The following PCNT variants were observed in gnomAD, a reference collection of about 807,000 sequenced individuals.
PCNT encodes pericentrin, also known as kendrin.
Under a neutral mutation model 380.4 loss-of-function variants are expected in PCNT, and 319 were observed. The observed-to-expected ratio is 0.84, with a 90% CI of 0.77 to 0.92. The LOEUF is 0.92. PCNT is among the 40% of genes least tolerant of loss of function. The pLI, the probability that PCNT is intolerant of heterozygous loss-of-function variation, is 0.00. For synonymous variants in PCNT, 1,845 were observed against 1,735.2 expected (o/e 1.06, Z -1.57); for missense variants, 4,400 against 4,255.3 (o/e 1.03, Z -0.95).
intron 27 of PCNT, among the ~76,000 whole-genome samples, 168 bp downstream of exon 27, chr21:46,402,651 G>A (rs1387050966): frequency 6.6e-6 from 1 of 152,312 alleles, no homozygotes; most frequent in East Asian, 1.9e-4. Context: ...GGGGACATGT[G>A]CATGGAAGCA....
intron 13 of PCNT, among the ~76,000 whole-genome samples, chr21:46,358,808 T>A (rs1366197216): frequency 6.6e-6 from 1 of 151,184 alleles, no homozygotes; most frequent in Non-Finnish European, 1.5e-5. Context: ...TTATTTTTTT[T>A]TATTTTTTTT....
At chr21:46,426,434 C>G (rs555750025) in intron 33 of PCNT, among the ~76,000 whole-genome samples, 23 of 152,316 alleles carry the variant, frequency 1.5e-4, no homozygotes, top group African/African-American at 5.5e-4. Flanking sequence ...AGGTTCCCTG[C>G]GGGACGTGGA....
rs552753057 is a variant in PCNT at position 46,441,117 on chromosome 21, G to A, written c.9623+33G>A. On this transcript the variant is annotated intron_variant, in intron 43 of 46. Transcript: ENST00000359568. Reference sequence around the variant, plus strand: ...CCATGACGTTCAGTCAGTGCGTTCCGCGTCTGTCTCCGTGAGTGGGCAGCA... The same window carrying A: ...CCATGACGTTCAGTCAGTGCGTTCCACGTCTGTCTCCGTGAGTGGGCAGCA... 1.3e-4 allele frequency: 172 copies of A among 1,360,004 alleles called. 1 individual carries two copies. The South Asian group carries it at 1.5e-3, about 12-fold the overall frequency. The allele number at this position is 1,360,004 out of a possible 1,614,324, so 84.2% of individuals were successfully genotyped here. A position where few individuals can be genotyped will look rare whatever the true frequency, so the allele number is the denominator to read the frequency against.
chr21:46,427,472 C>T, intron 33 of PCNT, 150 bp from the exon 34 acceptor site: 1 of 814,002 alleles, frequency 1.2e-6, no homozygotes, highest in Admixed American at 2.1e-5. Context: ...CGAGTGAGCT[C>T]TGGTGTCTCT....
rs760423461 is a variant in PCNT at position 46,427,796 on chromosome 21, G to A, written c.7494+1G>A. ...GCTGGAGAAGATCATCCGTGAGCAG[G>A]TGAGTGTCAGCTCTGCCACCAGGCC... On this transcript the variant is annotated splice_donor_variant, in intron 34 of 46. Transcript: ENST00000359568. LOFTEE classifies it high-confidence loss of function. The A allele has an allele frequency of 2.5e-6, 4 of 1,613,176 alleles. No individual in the cohort carries two copies. The Admixed American group carries it at 6.7e-5, about 27-fold the overall frequency.
chr21:46,388,614 C>G lies in PCNT; in HGVS notation c.3465-128C>G. The G allele has an allele frequency of 8.5e-7, 1 of 1,182,054 alleles. No individual in the cohort carries two copies. The highest frequency in any genetic ancestry group is 1.2e-6 in the Non-Finnish European group (1 of 804,762). The allele number at this position is 1,182,054 out of a possible 1,614,324, so 73.2% of individuals were successfully genotyped here. ...ACATGGGCATGAGGATCATGTCTTC[C>G]GGCCCCGTGGGGACAGGCAGCCGTG... On this transcript the variant is annotated intron_variant, in intron 17 of 46. Transcript: ENST00000359568. This position sits in a 1 kb window ranked among gnomAD's most constrained non-coding sequence, Gnocchi z 4.2.
chr21:46,324,308 G>A, intron 1 of PCNT, 26 bp downstream of exon 1: 1 of 1,583,742 alleles, frequency 6.3e-7, no homozygotes, highest in South Asian at 1.1e-5. Flanking sequence ...TTCTTCTCTA[G>A]CTGCTCTGGC....
At chr21:46,371,850 G>A (rs1328541860) in intron 15 of PCNT, among the ~76,000 whole-genome samples, 1 of 144,952 alleles carries the variant, frequency 6.9e-6, no homozygotes, top group Non-Finnish European at 1.5e-5. Flanking sequence ...TACAGCACAT[G>A]TGCACACAGC....
chr21:46,361,883 ATC>A (rs2084733415), intron 13 of PCNT, among the ~76,000 whole-genome samples: 1 of 151,856 alleles, frequency 6.6e-6, no homozygotes, highest in Non-Finnish European at 1.5e-5. Context: ...AGATTTTATG[ATC>A]TGTTTTGTCT....
intron 3 of PCNT, among the ~76,000 whole-genome samples, chr21:46,344,220 C>T (rs1288520994): frequency 6.6e-6 from 1 of 151,906 alleles, no homozygotes; most frequent in African/African-American, 2.4e-5. Context: ...ACTACAGGCG[C>T]CTGCCACCAC....
rs1172704074 is a variant in PCNT at position 46,399,526 on chromosome 21, GT to G, written c.4585-61del. On this transcript the variant is annotated intron_variant, in intron 24 of 46. Transcript: ENST00000359568. ...TCTCTGTTGTTTTGGGTACTTTTTTGTTTGGAAAATGGGTTTTTATAAAACA... is the reference window on the plus strand; with the variant it reads ...TCTCTGTTGTTTTGGGTACTTTTTTGTTGGAAAATGGGTTTTTATAAAACA... 1.2e-5 allele frequency: 16 copies of G among 1,303,940 alleles called. No homozygotes were observed. The African/African-American group carries it at 2.3e-4, about 19-fold the overall frequency. 80.8% of individuals were successfully genotyped at this position (1,303,940 alleles called of 1,614,324 possible).
chr21:46,402,303 T>G (rs376849286), intron 26 of PCNT, 28 bp from the exon 27 acceptor site: 4 of 1,485,836 alleles, frequency 2.7e-6, no homozygotes, highest in Non-Finnish European at 3.7e-6. Flanking sequence ...TGACTTTTAA[T>G]ACTTTTCTTC....
Position 46,416,705 on chromosome 21 carries a change from A to G in PCNT, c.6787A>G (p.Arg2263Gly), listed in dbSNP as rs747426587. Residue 2263 changes from arginine to glycine, a missense_variant, in exon 30 of 47, where the codon AGG becomes GGG. By Grantham distance (125) the Arg-to-Gly change is moderately radical. Transcript: ENST00000359568. ...CAGTGCCGACACATCCCTGGGGGAC[A>G]GGGCGGACACCTCGCTGCCACAGAC... ...LCSADTSLGD[R>G]ADTSLPQTQG... 1.3e-6 allele frequency: 2 copies of G among 1,571,312 alleles called. No homozygotes were observed. The highest frequency in any genetic ancestry group is 1.7e-6 in the Non-Finnish European group (2 of 1,157,430).
intron 17 of PCNT, 107 bp downstream of exon 17, chr21:46,386,090 A>AGGAGCCAGCG: frequency 1.5e-6 from 2 of 1,330,330 alleles, no homozygotes; most frequent in Non-Finnish European, 2.1e-6. Flanking sequence ...TGCTGCCACC[A>AGGAGCCAGCG]TGCACGCTGG....
Position 46,388,656 on chromosome 21 carries a change from C to A in PCNT, c.3465-86C>A. On this transcript the variant is annotated intron_variant, in intron 17 of 46. Coordinates refer to ENST00000359568, the MANE Select transcript of PCNT (RefSeq NM_006031.6). This position sits in a 1 kb window ranked among gnomAD's most constrained non-coding sequence, Gnocchi z 4.2. Reference sequence around the variant, plus strand: ...GCAGCCGTGGGCCGAGGTGTGCAAACTGGTGGGCGGCCCCTCAGCAGCATC... The same window carrying A: ...GCAGCCGTGGGCCGAGGTGTGCAAAATGGTGGGCGGCCCCTCAGCAGCATC... The A allele has an allele frequency of 6.4e-7, 1 of 1,556,278 alleles. No individual in the cohort carries two copies. Among genetic ancestry groups the A allele is most frequent in the Non-Finnish European group, 8.8e-7 (1 of 1,138,004 alleles).
At chr21:46,399,438 T>C (rs1038922940) in intron 24 of PCNT, 152 bp from the exon 25 acceptor site, 3 of 672,238 alleles carry the variant, frequency 4.5e-6, no homozygotes, top group South Asian at 1.6e-5. Context: ...TGGGTCTCCC[T>C]GTGCAGCCTG....
At chr21:46,403,790 T>TCG (rs1555981720) in intron 27 of PCNT, among the ~76,000 whole-genome samples, 1 of 84,122 alleles carries the variant, frequency 1.2e-5, no homozygotes, top group Non-Finnish European at 2.4e-5. Flanking sequence ...CGTGGGAGAA[T>TCG]TGTGTGTGTG....
chr21:46,343,205 AGTGAG>A (rs1569172805), intron 3 of PCNT, among the ~76,000 whole-genome samples: 1 of 152,132 alleles, frequency 6.6e-6, no homozygotes, highest in Non-Finnish European at 1.5e-5. Flanking sequence ...CAGTGGTGAA[AGTGAG>A]CATCCTTGTC....
intron 2 of PCNT, among the ~76,000 whole-genome samples, chr21:46,328,304 C>T (rs2083451970): frequency 6.7e-6 from 1 of 149,118 alleles, no homozygotes; most frequent in Non-Finnish European, 1.5e-5. Flanking sequence ...TCTCTGTTGC[C>T]CAGGCTGGAG....
Sources: gnomAD v4.1 joint callset for allele counts (sites outside exome capture counted in the v4.1 genomes callset) on GRCh38, gnomAD v4.1.1 for gene constraint, Gnocchi (gnomAD v3.1) non-coding constraint, MANE v1.5 for transcripts, NCBI Gene and HGNC (gene_info 2026-07-23, HGNC 2026-07-21) for gene names.